Variants in ANKAR observed in about 807,000 individuals in gnomAD.
ANKAR encodes the protein ankyrin and armadillo repeat-containing protein.
In ANKAR, 136 loss-of-function variants were observed where a neutral mutation model predicts 146.2. The ratio of observed to expected loss-of-function variants is 0.93; its 90% confidence interval spans 0.81 to 1.07. ANKAR has a LOEUF of 1.07. Ranked by LOEUF, ANKAR falls within the 50% of genes least tolerant of loss-of-function variation. The probability of loss-of-function intolerance (pLI) is 0.00; values close to 1 mark genes in which losing one functional copy is unlikely to be tolerated. For missense variants in ANKAR, 1,567 were observed against 1,679.9 expected (o/e 0.93, Z 1.18); for synonymous variants, 500 against 575.8 (o/e 0.87, Z 1.88).
chr2:189,741,718 C>T (rs1053229764), intron 20 of ANKAR, among the ~76,000 whole-genome samples: 2 of 151,936 alleles, frequency 1.3e-5, no homozygotes, highest in Non-Finnish European at 2.9e-5. Context: ...TTTGTTTTAA[C>T]CCTAAGACTT....
chr2:189,749,061 A>G (rs1211509782), downstream of ANKAR, among the ~76,000 whole-genome samples: 1 of 152,046 alleles, frequency 6.6e-6, no homozygotes, highest in African/African-American at 2.4e-5. Context: ...CCTAGCCAGC[A>G]TGGTGAAACC....
At chr2:189,762,655 G>A (rs1330717175), downstream of ANKAR, 1 of 985,352 alleles carries the variant, frequency 1.0e-6, no homozygotes. Context: ...AAAAGCGTCA[G>A]TGGGGTGAAG....
At chr2:189,755,362 C>CT in intron 18 of ANKAR, 1 of 1,613,530 alleles carries the variant, frequency 6.2e-7, no homozygotes, top group African/African-American at 1.3e-5. Context: ...GAATGAATGG[C>CT]TTTTTTAACT....
At chr2:189,732,956 T>C (rs1047133595) in intron 16 of ANKAR, 151 bp from the exon 17 acceptor site, 16 of 724,822 alleles carry the variant, frequency 2.2e-5, no homozygotes, top group Middle Eastern at 4.2e-4. Flanking sequence ...TGCAGTTCTT[T>C]CGCTAGTAAG....
intron 2 of ANKAR, among the ~76,000 whole-genome samples, chr2:189,682,585 T>A (rs953235470): frequency 1.3e-5 from 2 of 152,198 alleles, no homozygotes; most frequent in South Asian, 4.1e-4. Context: ...GAAAGGGACC[T>A]GAACCATTGG....
At chr2:189,697,039 TA>T (rs2037318344) in intron 7 of ANKAR, among the ~76,000 whole-genome samples, 1 of 152,038 alleles carries the variant, frequency 6.6e-6, no homozygotes, top group Admixed American at 6.6e-5. Flanking sequence ...TTAGCTAGAA[TA>T]AAAACAGAGT....
chr2:189,678,906 G>T (rs1272730448), intron 2 of ANKAR, among the ~76,000 whole-genome samples: 3 of 152,086 alleles, frequency 2.0e-5, no homozygotes, highest in Admixed American at 6.5e-5. Flanking sequence ...TTAGCTATGT[G>T]GGCTCATTTT....
intron 15 of ANKAR, among the ~76,000 whole-genome samples, chr2:189,729,545 T>A (rs972224382): frequency 4.6e-5 from 7 of 152,340 alleles, no homozygotes; most frequent in East Asian, 1.9e-4. Context: ...GTTTCTTTTT[T>A]TTTGGCCAGA....
At chr2:189,750,660 C>A (rs2045025750), downstream of ANKAR, 1 of 1,567,648 alleles carries the variant, frequency 6.4e-7, no homozygotes, top group Non-Finnish European at 8.6e-7. Flanking sequence ...AGGACATCTA[C>A]ATCATAAGCA....
In ANKAR at chr2:189,746,612, GC is replaced by G; in HGVS notation, c.4292del (p.Pro1431LeufsTer9). 1 of 1,597,148 alleles carries G rather than the reference GC, an allele frequency of 6.3e-7. No individual in the cohort carries two copies. Among genetic ancestry groups the G allele is most frequent in the African/African-American group, 1.4e-5 (1 of 73,914 alleles). On this transcript the variant is annotated frameshift_variant, in exon 23 of 23. Coordinates refer to ENST00000684021, the MANE Select transcript of ANKAR (RefSeq NM_001378068.1). LOFTEE classifies it high-confidence loss of function. ...GKHVQKANPE[P>X]AEG The stretch of plus-strand genomic sequence containing the variant: ...AACATGTCCAGAAAGCCAACCCAGA[GC>G]CTGCAGAAGGCTAATAAAACATTTT...
At chr2:189,678,250 G>T (rs1317740538) in intron 2 of ANKAR, among the ~76,000 whole-genome samples, 1 of 152,104 alleles carries the variant, frequency 6.6e-6, no homozygotes, top group Non-Finnish European at 1.5e-5. Context: ...TTTGAAAATT[G>T]TCTATTCATG....
intron 7 of ANKAR, 41 bp downstream of exon 7, chr2:189,696,410 T>A: frequency 6.4e-7 from 1 of 1,574,160 alleles, no homozygotes; most frequent in Non-Finnish European, 8.7e-7. Context: ...GTTATTTTAT[T>A]TACCCTTACT....
chr2:189,690,094 TTTAATGTCTCTAATGTAA>T, intron 3 of ANKAR, 130 bp downstream of exon 3: 3 of 526,020 alleles, frequency 5.7e-6, no homozygotes, highest in Non-Finnish European at 3.0e-6. Context: ...AAACAAACAA[TTTAATGTCTCTAATGTAA>T]TTAAAAAGAC....
At chr2:189,725,036 TTGTA>T (rs1368020288) in intron 12 of ANKAR, among the ~76,000 whole-genome samples, 1 of 152,164 alleles carries the variant, frequency 6.6e-6, no homozygotes, top group Non-Finnish European at 1.5e-5. Flanking sequence ...TTTAGTGAGC[TTGTA>T]TGTCATAATG....
rs141013296 is a variant in ANKAR, at chr2:189,754,380, T to C, written c.*585-6718T>C. ...AAACATATTTTTTAGAGTCATAAAA[T>C]TAAATACTGTGAAACGAAAAGATGC... On this transcript the variant is annotated intron_variant and NMD_transcript_variant, in intron 18 of 18. Coordinates refer to the ANKAR transcript ENST00000441800. The C allele has an allele frequency of 6.2e-5, 95 of 1,530,606 alleles. No individual in the cohort carries two copies. In the African/African-American group the frequency reaches 1.2e-3, roughly 19 times the overall value. 94.8% of individuals were successfully genotyped at this position (1,530,606 alleles called of 1,614,324 possible).
intron 19 of ANKAR, among the ~76,000 whole-genome samples, chr2:189,740,144 T>C (rs1304339548): frequency 6.6e-6 from 1 of 152,188 alleles, no homozygotes; most frequent in Non-Finnish European, 1.5e-5. Flanking sequence ...TTACCAAGAA[T>C]TCAGTTTTCC....
intron 7 of ANKAR, among the ~76,000 whole-genome samples, chr2:189,701,276 A>G (rs894150370): frequency 6.6e-6 from 1 of 151,918 alleles, no homozygotes; most frequent in African/African-American, 2.4e-5. Flanking sequence ...TTTATTGCCC[A>G]GGCTGGAGTG....
intron 7 of ANKAR, among the ~76,000 whole-genome samples, chr2:189,698,725 G>T (rs192142474): frequency 6.6e-6 from 1 of 152,284 alleles, no homozygotes; most frequent in East Asian, 1.9e-4. Context: ...CCTCAGAGAG[G>T]GAGCCCGACC....
intron 18 of ANKAR, among the ~76,000 whole-genome samples, chr2:189,738,363 C>G (rs903623850): frequency 6.6e-6 from 1 of 151,976 alleles, no homozygotes; most frequent in Admixed American, 6.6e-5. Context: ...AATAGTACCC[C>G]CTATGATCAC....
Sources: allele counts gnomAD v4.1 joint callset (sites outside exome capture counted in the v4.1 genomes callset), GRCh38; gene constraint gnomAD v4.1.1; transcripts MANE v1.5; gene names NCBI Gene and HGNC (gene_info 2026-07-23, HGNC 2026-07-21).